DIAPH2: variants seen among roughly 807,000 people sequenced by gnomAD.
The protein encoded by DIAPH2 is protein diaphanous homolog 2.
In DIAPH2, 35 loss-of-function variants were observed where a neutral mutation model predicts 92.7. The ratio of observed to expected loss-of-function variants is 0.38; its 90% confidence interval spans 0.29 to 0.50. DIAPH2 has a LOEUF of 0.50. Among genes scored for constraint, DIAPH2 ranks in the 20% least tolerant of loss-of-function variants. The pLI, the probability that DIAPH2 is intolerant of heterozygous loss-of-function variation, is 0.94. For missense variants in DIAPH2, 701 were observed against 819.5 expected (o/e 0.86, Z 1.77); for synonymous variants, 301 against 280.4 (o/e 1.07, Z -0.73).
At chrX:96,814,482 G>T (rs934762393) in intron 4 of DIAPH2, among the ~76,000 whole-genome samples, 1 of 111,654 alleles carries the variant, frequency 9.0e-6, no homozygotes, top group Non-Finnish European at 1.9e-5. Context: ...TCTTCCTTTA[G>T]CTCGGAGAAG....
intron 4 of DIAPH2, among the ~76,000 whole-genome samples, chrX:96,869,713 C>T (rs914284801): frequency 4.5e-5 from 5 of 110,413 alleles, no homozygotes; most frequent in South Asian, 3.9e-4. Context: ...GAGCAGTCAA[C>T]TAGGCAATTG....
intron 22 of DIAPH2, among the ~76,000 whole-genome samples, chrX:97,214,598 G>A (rs182565059): frequency 0.015 from 1,646 of 110,574 alleles, 40 homozygotes; most frequent in African/African-American, 0.051. Context: ...TTTGGAGGCC[G>A]AAGTGGGTGG....
intron 4 of DIAPH2, among the ~76,000 whole-genome samples, chrX:96,809,946 T>A (rs192779692): frequency 8.9e-6 from 1 of 112,485 alleles, no homozygotes; most frequent in African/African-American, 3.2e-5. Flanking sequence ...GTTCCAAGTC[T>A]TTGCTATTGT....
intron 26 of DIAPH2, among the ~76,000 whole-genome samples, chrX:97,459,518 G>A (rs771299936): frequency 8.9e-6 from 1 of 112,080 alleles, no homozygotes; most frequent in East Asian, 2.8e-4. Context: ...ATCTCCCTCT[G>A]GGAGCACTTC....
At chrX:97,198,265 T>TACACACACACACAC (rs200339851) in intron 22 of DIAPH2, among the ~76,000 whole-genome samples, 1,186 of 88,993 alleles carry the variant, frequency 0.013, 35 homozygotes, top group African/African-American at 0.049. Context: ...AACAACAAAA[T>TACACACACACACAC]ACACACACAC....
intron 23 of DIAPH2, among the ~76,000 whole-genome samples, chrX:97,307,904 G>A (rs1395182214): frequency 1.5e-5 from 1 of 68,813 alleles, no homozygotes; most frequent in Admixed American, 1.9e-4. Flanking sequence ...ACAAGACTCT[G>A]TCTCAAAAAA....
intron 19 of DIAPH2, among the ~76,000 whole-genome samples, chrX:97,079,108 A>G (rs1052057127): frequency 1.2e-4 from 13 of 110,777 alleles, no homozygotes; most frequent in Non-Finnish European, 2.1e-4. Context: ...CTAATCAGTG[A>G]AATTTTAATG....
At position 96,718,499 on chromosome X, in the gene DIAPH2, G is replaced by A. The variant is rs147046723; in HGVS notation, c.133-17259G>A. ...CTCCCAAGTAGCTGGGACTATAGGC[G>A]CGTGCCATCATACCCAGCTAATTTT... On this transcript the variant is annotated intron_variant, in intron 1 of 26. Coordinates refer to ENST00000324765, the MANE Select transcript of DIAPH2 (RefSeq NM_006729.5). Among the ~76,000 whole-genome samples, 14 of 107,312 alleles carry A rather than the reference G, an allele frequency of 1.3e-4. No homozygotes were observed. The East Asian group carries it at 1.8e-3, about 13-fold the overall frequency. 93.2% of individuals were successfully genotyped at this position (107,312 alleles called of 115,157 possible).
chrX:97,408,951 C>A (rs2069838666), intron 25 of DIAPH2, among the ~76,000 whole-genome samples: 1 of 111,829 alleles, frequency 8.9e-6, no homozygotes. Flanking sequence ...TGGATTGGAT[C>A]TGATACACAT....
rs1192077288 is a variant in DIAPH2, at chrX:97,185,307, AT to A, written c.2719+43514del. ...GAGACCCTGTCTCAAAAAAAAAAAA[AT>A]ATATATATATATATATGTGTATATA... On this transcript the variant is annotated intron_variant, in intron 22 of 26. Coordinates refer to ENST00000324765, the MANE Select transcript of DIAPH2 (RefSeq NM_006729.5). Among the ~76,000 whole-genome samples, 232 of 40,551 alleles carry A rather than the reference AT, an allele frequency of 5.7e-3. 21 individuals are homozygous for A. The highest frequency in any genetic ancestry group is 9.4e-3 in the African/African-American group (57 of 6,092). 35.2% of individuals were successfully genotyped at this position (40,551 alleles called of 115,157 possible).
chrX:97,333,011 C>G (rs2069015090), intron 23 of DIAPH2, among the ~76,000 whole-genome samples: 2 of 112,004 alleles, frequency 1.8e-5, no homozygotes, highest in African/African-American at 6.5e-5. Flanking sequence ...CCTTTATAAT[C>G]ATTGAAACTG....
chrX:96,732,190 CTGT>C (rs1314441562), intron 1 of DIAPH2, among the ~76,000 whole-genome samples: 2 of 111,416 alleles, frequency 1.8e-5, no homozygotes, highest in Non-Finnish European at 1.9e-5. Context: ...TTTGGTGTTT[CTGT>C]TGTTATTCTC....
intron 26 of DIAPH2, among the ~76,000 whole-genome samples, chrX:97,584,254 A>G (rs1013357071): frequency 8.9e-6 from 1 of 112,332 alleles, no homozygotes. Flanking sequence ...GAGTATAGTG[A>G]TTAGTCTACC....
At chrX:97,206,476 T>A in intron 22 of DIAPH2, among the ~76,000 whole-genome samples, 1 of 112,085 alleles carries the variant, frequency 8.9e-6, no homozygotes. Context: ...CATGAGGTCC[T>A]AAAATGCTGT....
chrX:96,853,973 T>G (rs1481159279), intron 4 of DIAPH2, among the ~76,000 whole-genome samples: 1 of 111,803 alleles, frequency 8.9e-6, no homozygotes, highest in African/African-American at 3.2e-5. Flanking sequence ...GATTTATTTT[T>G]GAAATGGAAA....
chrX:96,902,365 C>G (rs908150241), intron 5 of DIAPH2, among the ~76,000 whole-genome samples: 1 of 111,535 alleles, frequency 9.0e-6, no homozygotes, highest in Non-Finnish European at 1.9e-5. Flanking sequence ...TGGTCTGTCT[C>G]GTGCTGTCAG....
intron 26 of DIAPH2, among the ~76,000 whole-genome samples, chrX:97,545,209 G>T (rs865953522): frequency 2.7e-5 from 3 of 110,906 alleles, no homozygotes; most frequent in Non-Finnish European, 5.7e-5. Context: ...ATTTCTTCAT[G>T]AAGACTTTTC....
At chrX:97,367,493 A>G (rs754952138) in intron 24 of DIAPH2, among the ~76,000 whole-genome samples, 1 of 111,584 alleles carries the variant, frequency 9.0e-6, no homozygotes, top group Admixed American at 9.5e-5. Flanking sequence ...CCATTCAAAC[A>G]TGATCCACGC....
intron 4 of DIAPH2, among the ~76,000 whole-genome samples, chrX:96,811,882 G>A (rs1034925002): frequency 1.8e-5 from 2 of 111,742 alleles, no homozygotes; most frequent in African/African-American, 3.3e-5. Context: ...ACTTGATCAT[G>A]GTGGATAAGC....
Sources: allele counts gnomAD v4.1 joint callset (sites outside exome capture counted in the v4.1 genomes callset), GRCh38; gene constraint gnomAD v4.1.1; transcripts MANE v1.5; gene names NCBI Gene and HGNC (gene_info 2026-07-23, HGNC 2026-07-21).